Variants in AHR observed in about 807,000 individuals in gnomAD.
AHR encodes the protein aryl hydrocarbon receptor, also known as AH-receptor.
Under a neutral mutation model 86.8 loss-of-function variants are expected in AHR, and 40 were observed. The observed-to-expected ratio is 0.46, with a 90% CI of 0.36 to 0.60. The LOEUF (loss-of-function observed/expected upper bound fraction) is 0.60, where lower values mean the gene tolerates loss of function less well. Ranked by LOEUF, AHR falls within the 20% of genes least tolerant of loss-of-function variation. The pLI, the probability that AHR is intolerant of heterozygous loss-of-function variation, is 0.00. For synonymous variants in AHR, 398 were observed against 354.9 expected (o/e 1.12, Z -1.37); for missense variants, 1,001 against 1,011.6 (o/e 0.99, Z 0.14).
At chr7:17,311,563 G>T (rs900182902) in intron 2 of AHR, among the ~76,000 whole-genome samples, 4 of 152,046 alleles carry the variant, frequency 2.6e-5, no homozygotes, top group African/African-American at 9.7e-5. Flanking sequence ...TTGCTCTCCC[G>T]TCTTTCTTTT....
intron 2 of AHR, among the ~76,000 whole-genome samples, chr7:17,318,040 C>T (rs927247511): frequency 1.4e-4 from 21 of 152,078 alleles, no homozygotes; most frequent in African/African-American, 5.1e-4. Context: ...CTTTTAAGGA[C>T]TACCCTGCCA....
At chr7:17,307,159 G>A (rs1464362424) in intron 1 of AHR, among the ~76,000 whole-genome samples, 1 of 152,032 alleles carries the variant, frequency 6.6e-6, no homozygotes, top group Admixed American at 6.6e-5. Flanking sequence ...AGTACCACAT[G>A]GAGGGATACC....
rs867227227 is a variant in AHR, at chr7:17,339,443, T to C, written c.1618T>C (p.Tyr540His). The change falls in exon 10 of 11, where the codon TAC becomes CAC. Residue 540 changes from tyrosine to histidine, a missense_variant. Around this residue, in one of 2 missense-constraint regions of AHR, gnomAD observed 607 missense variants for 543.1 expected, o/e 1.12. Transcript: ENST00000242057. ...LFQDSKNSDL[Y>H]SIMKNLGIDF... ...TCAAGATAGTAAAAACAGTGACTTG[T>C]ACAGCATAATGAAAAACCTAGGCAT... 6.2e-7 allele frequency: 1 copy of C among 1,614,086 alleles called. No individual in the cohort carries two copies. The highest frequency in any genetic ancestry group is 1.7e-5 in the Admixed American group (1 of 60,000).
intron 2 of AHR, among the ~76,000 whole-genome samples, chr7:17,319,019 G>A (rs903181404): frequency 6.6e-6 from 1 of 152,122 alleles, no homozygotes; most frequent in Non-Finnish European, 1.5e-5. Context: ...AGGCATGTAA[G>A]TGGACTTGCA....
At chr7:17,310,158 G>A (rs372286858) in intron 2 of AHR, 35 bp downstream of exon 2, 215 of 1,559,438 alleles carry the variant, frequency 1.4e-4, no homozygotes, top group Non-Finnish European at 1.7e-4. Context: ...CTACAATAAC[G>A]TATAAAAAAT....
In AHR at chr7:17,335,782, C is replaced by G. The variant is rs1782348653; in HGVS notation, c.1156C>G (p.Leu386Val). 1 of 1,611,818 alleles carries G rather than the reference C, an allele frequency of 6.2e-7. No individual in the cohort carries two copies. Among genetic ancestry groups the G allele is most frequent in the Non-Finnish European group, 8.5e-7 (1 of 1,179,084 alleles). Residue 386 changes from leucine to valine, a missense_variant, in exon 9 of 11, where the codon CTA becomes GTA. Leu to Val is a conservative substitution (Grantham distance 32). Coordinates refer to ENST00000242057, the MANE Select transcript of AHR (RefSeq NM_001621.5). ...TTATATCATTGTAACTCAGAGACCA[C>G]TAACGTAAGCACAAATAATGTTTCC... ...PDYIIVTQRP[L>V]TDEEGTEHLR...
At chr7:17,333,780 C>T in intron 6 of AHR, 132 bp from the exon 7 acceptor site, 1 of 669,740 alleles carries the variant, frequency 1.5e-6, no homozygotes, top group Non-Finnish European at 2.5e-6. Context: ...AGGAAACTAA[C>T]AGTTCTCAGC....
At chr7:17,337,359 T>C (rs1398776306) in intron 9 of AHR, among the ~76,000 whole-genome samples, 1 of 152,142 alleles carries the variant, frequency 6.6e-6, no homozygotes, top group Non-Finnish European at 1.5e-5. Context: ...AGAAGTCTAG[T>C]TTGTTAATTG....
rs202073016 is a variant in AHR, at chr7:17,339,573, C to T, written c.1748C>T (p.Thr583Met). ...ATTGACTTAACGGATGAAATCCTGA[C>T]GTATGTCCAAGATTCTTTAAGTAAG... is the stretch of plus-strand genomic sequence containing the variant. ...RDIDLTDEILTYVQDSLSKSP... is the reference protein window; with the variant it reads ...RDIDLTDEILMYVQDSLSKSP... The change falls in exon 10 of 11, where the codon ACG (threonine) becomes ATG (methionine). Residue 583 changes from threonine (T) to methionine (M), a missense_variant. This residue lies in a region of AHR where 607 missense variants were observed against 543.1 expected (regional missense o/e 1.12). Coordinates refer to ENST00000242057, the MANE Select transcript of AHR (RefSeq NM_001621.5). 147 of 1,614,000 alleles carry T rather than the reference C, an allele frequency of 9.1e-5. No individual in the cohort carries two copies. The highest frequency in any genetic ancestry group is 1.1e-4 in the Non-Finnish European group (132 of 1,180,040).
Position 17,322,514 on chromosome 7 carries a change from C to T in AHR, c.267C>T (p.Ser89=), listed in dbSNP as rs1170826471. The T allele has an allele frequency of 1.9e-6, 3 of 1,609,204 alleles. No homozygotes were observed. Among genetic ancestry groups the T allele is most frequent in the African/African-American group, 2.7e-5 (2 of 74,774 alleles). ...AKSFFDVALK[S]SPTERNGGQD... The stretch of plus-strand genomic sequence containing the variant: ...TTTTTTCCATAGTTGCATTAAAATC[C>T]TCCCCTACTGAAAGAAACGGAGGCC... The change falls in exon 3 of 11, where the codon TCC becomes TCT. Residue 89 remains serine (S), a synonymous_variant. Coordinates refer to ENST00000242057, the MANE Select transcript of AHR (RefSeq NM_001621.5).
At chr7:17,312,936 G>T (rs955410828) in intron 2 of AHR, among the ~76,000 whole-genome samples, 53 of 152,230 alleles carry the variant, frequency 3.5e-4, no homozygotes, top group African/African-American at 1.1e-3. Flanking sequence ...CAGTGATTTA[G>T]CCTAGCCTTG....
chr7:17,299,418 T>A, intron 1 of AHR, 89 bp downstream of exon 1: 1 of 1,428,482 alleles, frequency 7.0e-7, no homozygotes, highest in Non-Finnish European at 9.6e-7. Context: ...CCCAAATCCC[T>A]GCGATCCTGG....
intron 3 of AHR, 150 bp from the exon 4 acceptor site, chr7:17,327,609 G>A (rs915330675): frequency 1.7e-5 from 6 of 360,242 alleles, no homozygotes; most frequent in African/African-American, 1.3e-4. Flanking sequence ...ATATTTCTTA[G>A]TCCAGGAGTG....
At chr7:17,317,445 A>G (rs774346145) in intron 2 of AHR, among the ~76,000 whole-genome samples, 1 of 152,136 alleles carries the variant, frequency 6.6e-6, no homozygotes, top group Non-Finnish European at 1.5e-5. Context: ...GTCTTAAGAT[A>G]GGTGCTTCAG....
intron 1 of AHR, among the ~76,000 whole-genome samples, chr7:17,303,352 T>A (rs1781973139): frequency 6.6e-6 from 1 of 152,098 alleles, no homozygotes; most frequent in Admixed American, 6.6e-5. Context: ...TCTTACTGAC[T>A]TGTGTTCGTA....
At chr7:17,319,510 T>G (rs1187767129) in intron 2 of AHR, among the ~76,000 whole-genome samples, 1 of 152,128 alleles carries the variant, frequency 6.6e-6, no homozygotes, top group East Asian at 1.9e-4. Context: ...TATATTGAAA[T>G]AACAGTGTCA....
intron 1 of AHR, among the ~76,000 whole-genome samples, chr7:17,301,517 T>G (rs1781954899): frequency 6.6e-6 from 1 of 151,944 alleles, no homozygotes; most frequent in Non-Finnish European, 1.5e-5. Context: ...AGATAAAATA[T>G]GCTGTAGCAT....
At chr7:17,330,705 A>C (rs777257869) in intron 5 of AHR, 51 bp from the exon 6 acceptor site, 1 of 1,479,480 alleles carries the variant, frequency 6.8e-7, no homozygotes, top group Non-Finnish European at 9.1e-7. Context: ...TCAAGTGCTT[A>C]ATTTTACAGC....
chr7:17,329,543 A>G (rs949365467), intron 4 of AHR, among the ~76,000 whole-genome samples: 1 of 151,962 alleles, frequency 6.6e-6, no homozygotes, highest in Non-Finnish European at 1.5e-5. Flanking sequence ...AGAACAGTGA[A>G]GGAAATACAT....
Sources: gnomAD v4.1 joint callset for allele counts (sites outside exome capture counted in the v4.1 genomes callset) on GRCh38, gnomAD v4.1.1 for gene constraint, gnomAD v4.1.1 regional missense constraint, MANE v1.5 for transcripts, NCBI Gene and HGNC (gene_info 2026-07-23, HGNC 2026-07-21) for gene names.